The following CFAP95 variants were observed in gnomAD, a reference collection of about 807,000 sequenced individuals.
The protein encoded by CFAP95 is cilia- and flagella-associated protein 95.
the CFAP95 span, among the ~76,000 whole-genome samples, chr9:69,903,933 A>G: frequency 6.6e-6 from 1 of 152,144 alleles, no homozygotes; most frequent in African/African-American, 2.4e-5. Flanking sequence ...TGTGTTGCCC[A>G]GGCTGGTCTC....
the CFAP95 span, among the ~76,000 whole-genome samples, chr9:69,836,112 G>A: frequency 6.6e-6 from 1 of 152,176 alleles, no homozygotes; most frequent in African/African-American, 2.4e-5. Context: ...GATTGTTGGT[G>A]TTAGAGGCCT....
the CFAP95 span, chr9:69,856,627 A>G: frequency 1.2e-6 from 2 of 1,613,008 alleles, no homozygotes; most frequent in Admixed American, 3.3e-5. Flanking sequence ...AATGAAGAGC[A>G]AGGCTTTATT....
the CFAP95 span, among the ~76,000 whole-genome samples, chr9:69,821,815 C>T: frequency 6.3e-4 from 95 of 151,542 alleles, no homozygotes; most frequent in Admixed American, 2.0e-3. Context: ...AGGGTTGTAT[C>T]TTTGAAAATT....
the CFAP95 span, among the ~76,000 whole-genome samples, chr9:69,823,418 G>A: frequency 6.6e-6 from 1 of 152,302 alleles, no homozygotes; most frequent in East Asian, 1.9e-4. Flanking sequence ...ATTTAGCATA[G>A]CATAATGGTT....
chr9:69,901,120 G>T, the CFAP95 span, among the ~76,000 whole-genome samples: 2 of 151,238 alleles, frequency 1.3e-5, no homozygotes, highest in Non-Finnish European at 2.9e-5. Flanking sequence ...TGTGGTGTTT[G>T]GTTTTGTTTT....
the CFAP95 span, among the ~76,000 whole-genome samples, chr9:69,876,623 A>G: frequency 6.6e-6 from 1 of 151,712 alleles, no homozygotes; most frequent in African/African-American, 2.4e-5. Context: ...TTTTGGTTAG[A>G]TTTATTTCAT....
chr9:69,886,860 G>A, the CFAP95 span: 1 of 1,613,286 alleles, frequency 6.2e-7, no homozygotes, highest in South Asian at 1.1e-5. Context: ...AACGTACTCA[G>A]AAGATTATGT....
chr9:69,851,729 G>C, the CFAP95 span, among the ~76,000 whole-genome samples: 1 of 152,092 alleles, frequency 6.6e-6, no homozygotes, highest in Non-Finnish European at 1.5e-5. Context: ...TAAGCCAGGT[G>C]TGGTGGTGCA....
At chr9:69,893,912 A>G in the CFAP95 span, among the ~76,000 whole-genome samples, 1 of 152,170 alleles carries the variant, frequency 6.6e-6, no homozygotes, top group Admixed American at 6.5e-5. Context: ...TATTTATCTT[A>G]TCGTGTATTA....
the CFAP95 span, among the ~76,000 whole-genome samples, chr9:69,883,815 A>AT: frequency 1.1e-4 from 7 of 61,792 alleles, no homozygotes; most frequent in African/African-American, 2.3e-4. Context: ...AATTTTGTTT[A>AT]TTTTTTTAAA....
At chr9:69,830,931 A>C in the CFAP95 span, among the ~76,000 whole-genome samples, 2 of 152,176 alleles carry the variant, frequency 1.3e-5, no homozygotes, top group Non-Finnish European at 2.9e-5. Flanking sequence ...AAGTACTGGG[A>C]TTACAGATGT....
At chr9:69,846,874 C>G in the CFAP95 span, among the ~76,000 whole-genome samples, 1 of 152,172 alleles carries the variant, frequency 6.6e-6, no homozygotes, top group African/African-American at 2.4e-5. Flanking sequence ...TTAGATTAAA[C>G]CAGTATGAGT....
At chr9:69,823,703 C>G in the CFAP95 span, among the ~76,000 whole-genome samples, 1 of 152,072 alleles carries the variant, frequency 6.6e-6, no homozygotes, top group Admixed American at 6.6e-5. Flanking sequence ...TGCAGGCGGG[C>G]TGAGTCTGAA....
the CFAP95 span, among the ~76,000 whole-genome samples, chr9:69,841,702 CAT>C: frequency 6.6e-6 from 1 of 152,204 alleles, no homozygotes; most frequent in Non-Finnish European, 1.5e-5. Flanking sequence ...CACAGTTCCA[CAT>C]GGCTGGGGAG....
chr9:69,829,371 G>A, the CFAP95 span, among the ~76,000 whole-genome samples: 1 of 152,128 alleles, frequency 6.6e-6, no homozygotes, highest in African/African-American at 2.4e-5. Flanking sequence ...TAGAATGATT[G>A]TGCCATGACC....
chr9:69,821,178 G>A, the CFAP95 span: 1 of 851,794 alleles, frequency 1.2e-6, no homozygotes, highest in Non-Finnish European at 1.7e-6. Context: ...GAAAAGTGGG[G>A]GAGAAATGTA....
the CFAP95 span, among the ~76,000 whole-genome samples, chr9:69,855,251 A>G: frequency 6.6e-6 from 1 of 152,176 alleles, no homozygotes; most frequent in Admixed American, 6.5e-5. Context: ...ATGTTTGGCA[A>G]TATCTTTGTT....
the CFAP95 span, among the ~76,000 whole-genome samples, chr9:69,846,740 G>A: frequency 6.6e-6 from 1 of 152,198 alleles, no homozygotes; most frequent in African/African-American, 2.4e-5. Context: ...GGATGGGCAA[G>A]TCCTTCTTCC....
chr9:69,836,749 C>CT, the CFAP95 span, among the ~76,000 whole-genome samples: 1 of 119,634 alleles, frequency 8.4e-6, no homozygotes, highest in Admixed American at 9.2e-5. Context: ...TATTATTATA[C>CT]TTTAAGTTTT....
Sources: gnomAD v4.1 joint callset for allele counts (sites outside exome capture counted in the v4.1 genomes callset) on GRCh38, gnomAD v4.1.1 for gene constraint, MANE v1.5 for transcripts, NCBI Gene and HGNC (gene_info 2026-07-23, HGNC 2026-07-21) for gene names.